The following CRYBG1 variants were observed in gnomAD, a reference collection of about 807,000 sequenced individuals.
CRYBG1 encodes crystallin beta-gamma domain containing 1, also known as beta/gamma crystallin domain-containing protein 1.
A neutral mutation model predicts 189.2 loss-of-function variants in CRYBG1; 139 were observed. The ratio of observed to expected loss-of-function variants is 0.73; its 90% confidence interval spans 0.64 to 0.85. The LOEUF (loss-of-function observed/expected upper bound fraction) is 0.85. Among genes scored for constraint, CRYBG1 ranks in the 40% least tolerant of loss-of-function variants. The probability of loss-of-function intolerance (pLI) is 0.00; values close to 1 mark genes in which losing one functional copy is unlikely to be tolerated. For synonymous variants in CRYBG1, 1,023 were observed against 1,017.1 expected (o/e 1.01, Z -0.11); for missense variants, 2,611 against 2,675.8 (o/e 0.98, Z 0.53).
chr6:106,385,393 T>G (rs1219814249), intron 1 of CRYBG1, among the ~76,000 whole-genome samples: 1 of 152,196 alleles, frequency 6.6e-6, no homozygotes, highest in Non-Finnish European at 1.5e-5. Context: ...GATAACACAG[T>G]GCATAGCCTC....
chr6:106,449,511 A>G (rs62420834), intron 1 of CRYBG1: 19,322 of 152,316 alleles, frequency 0.13, 1,266 homozygotes, highest in Middle Eastern at 0.2. Context: ...TTCAAGTCCT[A>G]GGAGTCTTCT....
At chr6:106,497,088 G>T (rs1298101977) in intron 2 of CRYBG1, among the ~76,000 whole-genome samples, 2 of 152,156 alleles carry the variant, frequency 1.3e-5, no homozygotes, top group African/African-American at 4.8e-5. Context: ...AAAACCGAAA[G>T]AGCAGGAAAT....
In CRYBG1 at chr6:106,530,308, T is replaced by G; in HGVS notation, c.4711T>G (p.Trp1571Gly). The change falls in exon 8 of 22, where the codon TGG becomes GGG. Residue 1571 changes from tryptophan to glycine, a missense_variant. Trp to Gly is a radical substitution (Grantham distance 184). Coordinates refer to ENST00000633556, the MANE Select transcript of CRYBG1 (RefSeq NM_001371242.2). Reference sequence around the variant, plus strand: ...GAAGACTTGTTCCATGAAAGTACATTGGGGCACGTAAGTATTTTTTTTTCA... The same window carrying G: ...GAAGACTTGTTCCATGAAAGTACATGGGGGCACGTAAGTATTTTTTTTTCA... ...MQKTCSMKVH[W>G]GTWLIYEEPG... 1 of 1,604,230 alleles carries G rather than the reference T, an allele frequency of 6.2e-7. No individual in the cohort carries two copies. The highest frequency in any genetic ancestry group is 8.5e-7 in the Non-Finnish European group (1 of 1,176,280).
intron 1 of CRYBG1, among the ~76,000 whole-genome samples, chr6:106,369,323 G>A (rs1293382622): frequency 6.6e-6 from 1 of 152,246 alleles, no homozygotes; most frequent in Non-Finnish European, 1.5e-5. Context: ...ATGAGTAAAA[G>A]TAGGTTGGTG....
At chr6:106,388,919 C>T (rs1770441407) in intron 1 of CRYBG1, among the ~76,000 whole-genome samples, 1 of 152,160 alleles carries the variant, frequency 6.6e-6, no homozygotes, top group South Asian at 2.1e-4. Context: ...ATCATGATAG[C>T]TAGGACTATT....
At chr6:106,391,532 C>A (rs1770500854) in intron 1 of CRYBG1, among the ~76,000 whole-genome samples, 1 of 151,474 alleles carries the variant, frequency 6.6e-6, no homozygotes, top group South Asian at 2.1e-4. Context: ...TGTACCTGTT[C>A]AAATATTTTG....
At position 106,520,053 on chromosome 6, in the gene CRYBG1, T is replaced by G. The variant is rs149735097; in HGVS notation, c.2845T>G (p.Cys949Gly). ...TAGTCCAGAAGCTGTGGGAAGTGAG[T>G]GTCCATCCAGAGTCCTCGTCCAGGT... ...ERSPEAVGSECPSRVLVQVRS... is the reference protein window; with the variant it reads ...ERSPEAVGSEGPSRVLVQVRS... Residue 949 changes from cysteine (C) to glycine (G), a missense_variant, in exon 4 of 22, where the codon TGT becomes GGT. Cys to Gly is a radical substitution (Grantham distance 159). This residue lies in a region of CRYBG1 where 1,622 missense variants were observed against 1,735.0 expected (regional missense o/e 0.93). Coordinates refer to ENST00000633556, the MANE Select transcript of CRYBG1 (RefSeq NM_001371242.2). 6.2e-7 allele frequency: 1 copy of G among 1,614,102 alleles called. No individual in the cohort carries two copies. Among genetic ancestry groups the G allele is most frequent in the Admixed American group, 1.7e-5 (1 of 60,010 alleles).
intron 1 of CRYBG1, among the ~76,000 whole-genome samples, chr6:106,381,001 A>T (rs892102180): frequency 6.6e-6 from 1 of 152,200 alleles, no homozygotes; most frequent in Non-Finnish European, 1.5e-5. Context: ...TGCAAAAATT[A>T]TGTGTTTATT....
At chr6:106,548,958 T>G (rs1303196627) in intron 13 of CRYBG1, among the ~76,000 whole-genome samples, 1 of 145,192 alleles carries the variant, frequency 6.9e-6, no homozygotes, top group Non-Finnish European at 1.5e-5. Flanking sequence ...GTGTTCTCAT[T>G]GTTCAATTCC....
chr6:106,404,772 G>A (rs559685626), intron 1 of CRYBG1, among the ~76,000 whole-genome samples: 20 of 152,140 alleles, frequency 1.3e-4, no homozygotes, highest in Non-Finnish European at 2.2e-4. Flanking sequence ...CCCAGGAAGC[G>A]CAAGGGGTTG....
chr6:106,439,148 G>A (rs1379628131), intron 1 of CRYBG1, among the ~76,000 whole-genome samples: 1 of 151,490 alleles, frequency 6.6e-6, no homozygotes, highest in Non-Finnish European at 1.5e-5. Context: ...TGACAGATTG[G>A]GAAATTAATT....
At chr6:106,533,485 T>C (rs1004805886) in intron 8 of CRYBG1, among the ~76,000 whole-genome samples, 2 of 152,212 alleles carry the variant, frequency 1.3e-5, no homozygotes, top group Non-Finnish European at 2.9e-5. Flanking sequence ...TCTGTTCGTA[T>C]AGAAAATAGT....
chr6:106,495,833 A>C (rs1456335702), intron 2 of CRYBG1, among the ~76,000 whole-genome samples: 1 of 150,970 alleles, frequency 6.6e-6, no homozygotes, highest in Non-Finnish European at 1.5e-5. Context: ...AAAAAAAAAA[A>C]AAAACAACTT....
In CRYBG1 at chr6:106,451,532, G is replaced by A. The variant is rs143656960; in HGVS notation, c.174-162G>A. 5,973 of 626,272 alleles carry A rather than the reference G, an allele frequency of 9.5e-3. 51 individuals are homozygous for A. Among genetic ancestry groups the A allele is most frequent in the Non-Finnish European group, 0.01 (4,034 of 398,432 alleles). The allele number at this position is 626,272 out of a possible 1,614,324, so 38.8% of individuals were successfully genotyped here. The stretch of plus-strand genomic sequence containing the variant: ...AGGTTTATTTATAAATGTGCTATGA[G>A]AGCGCCAAATTATCTACAACGCCGT... On this transcript the variant is annotated intron_variant, in intron 1 of 21. Transcript: ENST00000633556.
rs1420548391 is a variant in CRYBG1 at position 106,432,871 on chromosome 6, A to G, written c.174-18823A>G. ...TTTTTTTTTTTTGAGACAGAGTCTCACTCTGTTGCCCAGGCTGGAGTGCAG... is the reference window on the plus strand; with the variant it reads ...TTTTTTTTTTTTGAGACAGAGTCTCGCTCTGTTGCCCAGGCTGGAGTGCAG... On this transcript the variant is annotated intron_variant, in intron 1 of 21. Transcript: ENST00000633556. 2.4e-5 allele frequency among the ~76,000 whole-genome samples: 3 copies of G among 124,780 alleles called. No homozygotes were observed. The Admixed American group carries it at 2.9e-4, about 12-fold the overall frequency. The allele number at this position is 124,780 out of a possible 152,430, so 81.9% of individuals were successfully genotyped here. A position where few individuals can be genotyped will look rare whatever the true frequency, so the allele number is the denominator to read the frequency against.
intron 1 of CRYBG1, among the ~76,000 whole-genome samples, chr6:106,363,073 G>C (rs1201673759): frequency 6.6e-6 from 1 of 150,922 alleles, no homozygotes. Flanking sequence ...GTGAAACCCC[G>C]TCTCTACTAA....
rs1309472345 is a variant in CRYBG1, at chr6:106,530,273, G to A, written c.4676G>A (p.Gly1559Asp). The change falls in exon 8 of 22, where the codon GGT becomes GAT. Residue 1559 changes from glycine to aspartate, a missense_variant. Gly to Asp is a moderately conservative substitution (Grantham distance 94, BLOSUM62 -1). This residue lies in a region of CRYBG1 where 1,622 missense variants were observed against 1,735.0 expected (regional missense o/e 0.93). Coordinates refer to ENST00000633556, the MANE Select transcript of CRYBG1 (RefSeq NM_001371242.2). ...GATACTGAAGAAATGCAGGGATTTG[G>A]TGTAATGCAGAAGACTTGTTCCATG... ...FDDTEEMQGFGVMQKTCSMKV... is the reference protein window; with the variant it reads ...FDDTEEMQGFDVMQKTCSMKV... The A allele has an allele frequency of 2.5e-6, 4 of 1,613,460 alleles. No homozygotes were observed.
At chr6:106,410,496 C>A (rs1451940652) in intron 1 of CRYBG1, among the ~76,000 whole-genome samples, 1 of 152,156 alleles carries the variant, frequency 6.6e-6, no homozygotes, top group East Asian at 1.9e-4. Context: ...ACCAGAAATA[C>A]CATTTGACCC....
rs1314196047 is a variant in CRYBG1, at chr6:106,392,106, C to CT, written c.173+31026dup. 7.2e-5 allele frequency among the ~76,000 whole-genome samples: 11 copies of CT among 152,182 alleles called. No homozygotes were observed. The South Asian group carries it at 2.3e-3, about 32-fold the overall frequency. On this transcript the variant is annotated intron_variant, in intron 1 of 21. Coordinates refer to ENST00000633556, the MANE Select transcript of CRYBG1 (RefSeq NM_001371242.2). The stretch of plus-strand genomic sequence containing the variant: ...CCCCTTAGAAAATGCAAAGAAGGCT[C>CT]TCAGTGCGATGAGGTTTAGTCCCCG...
Sources: gnomAD v4.1 joint callset for allele counts (sites outside exome capture counted in the v4.1 genomes callset) on GRCh38, gnomAD v4.1.1 for gene constraint, gnomAD v4.1.1 regional missense constraint, MANE v1.5 for transcripts, NCBI Gene and HGNC (gene_info 2026-07-23, HGNC 2026-07-21) for gene names.